Variants in PARD3B observed in about 807,000 individuals in gnomAD.
PARD3B encodes par-3 family cell polarity regulator beta, also known as partitioning defective 3 homolog B.
PARD3B carries 103 observed loss-of-function variants against 130.2 expected under a neutral mutation model. That is an observed-to-expected ratio of 0.79 (90% confidence interval 0.67 to 0.93). The LOEUF (loss-of-function observed/expected upper bound fraction) is 0.93. PARD3B is among the 40% of genes least tolerant of loss of function. The pLI, the probability that PARD3B is intolerant of heterozygous loss-of-function variation, is 0.00. For missense variants in PARD3B, 1,609 were observed against 1,499.2 expected (o/e 1.07, Z -1.21); for synonymous variants, 583 against 553.2 (o/e 1.05, Z -0.76).
Position 205,321,700 on chromosome 2 carries a change from C to T in PARD3B, c.2630+19999C>T, listed in dbSNP as rs374611908. Reference sequence around the variant, plus strand: ...CTCAAAATAGCAAAATCAGAAATTACAAACAAGGAAGGTGGTAATTTCAAA... The same window carrying T: ...CTCAAAATAGCAAAATCAGAAATTATAAACAAGGAAGGTGGTAATTTCAAA... On this transcript the variant is annotated intron_variant, in intron 18 of 22. Transcript: ENST00000406610. The surrounding 1 kb of genome is among the most constrained non-coding windows in gnomAD (Gnocchi z 4.2). Among the ~76,000 whole-genome samples, 14 of 152,122 alleles carry T rather than the reference C, an allele frequency of 9.2e-5. No homozygotes were observed. Among genetic ancestry groups the T allele is most frequent in the East Asian group, 7.7e-4 (4 of 5,198 alleles).
chr2:205,440,284 G>C lies in PARD3B; in HGVS notation c.2742-86G>C. The stretch of plus-strand genomic sequence containing the variant: ...AGAATGACAGCTAAGAGACGAGGAA[G>C]AGTTAACATAAATTCAAGAGAGTAT... On this transcript the variant is annotated intron_variant, in intron 19 of 22. Coordinates refer to ENST00000406610, the MANE Select transcript of PARD3B (RefSeq NM_001302769.2). The surrounding 1 kb of genome is among the most constrained non-coding windows in gnomAD (Gnocchi z 4.2). 6 of 1,323,112 alleles carry C rather than the reference G, an allele frequency of 4.5e-6. No individual in the cohort carries two copies. Among genetic ancestry groups the C allele is most frequent in the Non-Finnish European group, 6.3e-6 (6 of 948,150 alleles). 82.0% of individuals were successfully genotyped at this position (1,323,112 alleles called of 1,614,324 possible). A position where few individuals can be genotyped will look rare whatever the true frequency, so the allele number is the denominator to read the frequency against.
intron 2 of PARD3B, among the ~76,000 whole-genome samples, chr2:204,883,734 G>A (rs979284873): frequency 4.6e-5 from 7 of 150,956 alleles, no homozygotes; most frequent in South Asian, 2.1e-4. Flanking sequence ...ATGAGCCACC[G>A]CACCTGGCCT....
At chr2:205,518,533 G>C (rs574260543) in intron 21 of PARD3B, among the ~76,000 whole-genome samples, 2 of 152,122 alleles carry the variant, frequency 1.3e-5, no homozygotes, top group South Asian at 4.2e-4. Context: ...TTTTTATACA[G>C]CTTACCATTC....
intron 2 of PARD3B, among the ~76,000 whole-genome samples, chr2:204,767,164 C>A (rs1241011158): frequency 2.1e-4 from 13 of 60,998 alleles, no homozygotes; most frequent in South Asian, 6.9e-4. Context: ...CCGACCCCAC[C>A]ACAGTCCCCA....
chr2:205,108,798 T>G (rs1897781), intron 5 of PARD3B, among the ~76,000 whole-genome samples: 37,650 of 152,076 alleles, frequency 0.25, 4,894 homozygotes, highest in East Asian at 0.39. Context: ...AAATCACTAT[T>G]TGAGTCTTGA....
rs376574405 is a variant in PARD3B, at chr2:205,124,437, C to T, written c.1276C>T (p.Arg426Cys). The stretch of plus-strand genomic sequence containing the variant: ...AAAGGGAGCAGCAATAAAAGATGGC[C>T]GCCTACAATCAGGGGACAGAATTTT... ...LPKGAAIKDG[R>C]LQSGDRILEV... Residue 426 changes from arginine to cysteine, a missense_variant, in exon 9 of 23, where the codon CGC (arginine) becomes TGC (cysteine). By Grantham distance (180) the Arg-to-Cys change is radical (BLOSUM62 -3). Transcript: ENST00000406610. 30 of 1,597,408 alleles carry T rather than the reference C, an allele frequency of 1.9e-5. No individual in the cohort carries two copies. The highest frequency in any genetic ancestry group is 6.8e-5 in the East Asian group (3 of 44,226).
chr2:204,893,937 T>C (rs1179481956), intron 2 of PARD3B, among the ~76,000 whole-genome samples: 2 of 152,160 alleles, frequency 1.3e-5, no homozygotes, highest in Non-Finnish European at 2.9e-5. Flanking sequence ...GAGAAATTAA[T>C]TAAGGCTCTG....
intron 1 of PARD3B, among the ~76,000 whole-genome samples, chr2:204,684,900 C>T (rs1340682941): frequency 6.6e-6 from 1 of 152,096 alleles, no homozygotes; most frequent in East Asian, 1.9e-4. Context: ...ATGTCTAAAG[C>T]CTAACTAAGG....
At chr2:204,896,544 G>C (rs2046647561) in intron 2 of PARD3B, among the ~76,000 whole-genome samples, 1 of 152,164 alleles carries the variant, frequency 6.6e-6, no homozygotes, top group African/African-American at 2.4e-5. Context: ...TGTAGAGATT[G>C]ATTTGAGAGG....
At position 204,659,508 on chromosome 2, in the gene PARD3B, G is replaced by A. The variant is rs189825548; in HGVS notation, c.121-26673G>A. 2.0e-5 allele frequency among the ~76,000 whole-genome samples: 3 copies of A among 152,262 alleles called. No individual in the cohort carries two copies. The East Asian group carries it at 5.8e-4, about 29-fold the overall frequency. On this transcript the variant is annotated intron_variant, in intron 1 of 22. Transcript: ENST00000406610. ...GTGGCCAAGTGGAGGGTACACAAGT[G>A]TGTGAGTTGTGTATATAGCATCGTG...
chr2:205,328,724 G>A (rs1251774421), intron 18 of PARD3B, among the ~76,000 whole-genome samples: 2 of 152,062 alleles, frequency 1.3e-5, no homozygotes, highest in East Asian at 3.8e-4. Flanking sequence ...CACAGAGCTA[G>A]TGTTTTTTAG....
At chr2:205,161,976 T>G (rs986859833) in intron 11 of PARD3B, among the ~76,000 whole-genome samples, 4 of 152,216 alleles carry the variant, frequency 2.6e-5, no homozygotes, top group African/African-American at 9.7e-5. Context: ...TCTTGCCAGA[T>G]GTAAAACCCC....
In PARD3B at chr2:205,230,324, C is replaced by A. The variant is rs1369234440; in HGVS notation, c.2141-15454C>A. On this transcript the variant is annotated intron_variant, in intron 15 of 22. Transcript: ENST00000406610. This position sits in a 1 kb window ranked among gnomAD's most constrained non-coding sequence, Gnocchi z 4.1. ...GCTACTGCTGCTAATTATTCAGGACCCACATTTTCTTTAGTCAGCAAGTGA... is the reference window on the plus strand; with the variant it reads ...GCTACTGCTGCTAATTATTCAGGACACACATTTTCTTTAGTCAGCAAGTGA... Among the ~76,000 whole-genome samples the A allele has an allele frequency of 6.6e-6, 1 of 152,088 alleles. No individual in the cohort carries two copies.
chr2:204,982,395 G>T (rs1692749768), intron 3 of PARD3B, among the ~76,000 whole-genome samples: 1 of 152,136 alleles, frequency 6.6e-6, no homozygotes. Context: ...TCAGGCATGG[G>T]TGTGGCCTAG....
At chr2:205,290,007 C>T (rs776334845) in intron 16 of PARD3B, among the ~76,000 whole-genome samples, 3 of 152,116 alleles carry the variant, frequency 2.0e-5, no homozygotes, top group Non-Finnish European at 2.9e-5. Context: ...CAACAAAAAA[C>T]GGACTAAGAG....
chr2:205,168,826 G>A (rs2034985489), intron 11 of PARD3B, among the ~76,000 whole-genome samples: 1 of 151,992 alleles, frequency 6.6e-6, no homozygotes, highest in Admixed American at 6.6e-5. Context: ...TTTTCTTGAA[G>A]CATTACCCCT....
At chr2:204,916,628 A>G (rs965101135) in intron 2 of PARD3B, among the ~76,000 whole-genome samples, 1 of 152,160 alleles carries the variant, frequency 6.6e-6, no homozygotes, top group Non-Finnish European at 1.5e-5. Context: ...AAATATTTTC[A>G]TTGTCTAAAG....
chr2:205,482,302 A>C (rs1249785532), intron 20 of PARD3B, among the ~76,000 whole-genome samples: 2 of 152,194 alleles, frequency 1.3e-5, no homozygotes, highest in Admixed American at 6.5e-5. Context: ...GAGACTTGCC[A>C]CAAGGGTTGC....
intron 2 of PARD3B, among the ~76,000 whole-genome samples, chr2:204,801,961 A>T (rs987840386): frequency 6.6e-6 from 1 of 152,226 alleles, no homozygotes; most frequent in African/African-American, 2.4e-5. Context: ...CTATTGAGAT[A>T]ATCATGTGGT....
Sources: gnomAD v4.1 joint callset for allele counts (sites outside exome capture counted in the v4.1 genomes callset) on GRCh38, gnomAD v4.1.1 for gene constraint, Gnocchi (gnomAD v3.1) non-coding constraint, MANE v1.5 for transcripts, NCBI Gene and HGNC (gene_info 2026-07-23, HGNC 2026-07-21) for gene names.